WDPCP: variants seen among roughly 807,000 people sequenced by gnomAD.
WDPCP encodes WD repeat containing planar cell polarity effector, also known as WD repeat-containing and planar cell polarity effector protein fritz homolog.
WDPCP carries 71 observed loss-of-function variants against 93.1 expected under a neutral mutation model. The ratio of observed to expected loss-of-function variants is 0.76; its 90% confidence interval spans 0.63 to 0.93. The LOEUF is 0.93. Among genes scored for constraint, WDPCP ranks in the 40% least tolerant of loss-of-function variants. WDPCP has a pLI of 0.00. For synonymous variants in WDPCP, 315 were observed against 315.0 expected (o/e 1.00, Z 0.00); for missense variants, 844 against 887.4 (o/e 0.95, Z 0.62).
chr2:63,808,893 T>G (rs1417882627), intron 2 of WDPCP, among the ~76,000 whole-genome samples: 1 of 149,156 alleles, frequency 6.7e-6, no homozygotes, highest in African/African-American at 2.5e-5. Flanking sequence ...ATCTAGGAAA[T>G]GAGGAGCGCC....
chr2:63,138,069 A>ATTTTTTT (rs34667163), intron 17 of WDPCP, among the ~76,000 whole-genome samples: 2 of 117,098 alleles, frequency 1.7e-5, no homozygotes, highest in African/African-American at 6.6e-5. Flanking sequence ...GTTCCATATG[A>ATTTTTTT]TTTTTTTTTT....
At chr2:63,359,323 A>T (rs1690261497) in intron 12 of WDPCP, among the ~76,000 whole-genome samples, 1 of 152,224 alleles carries the variant, frequency 6.6e-6, no homozygotes, top group East Asian at 1.9e-4. Flanking sequence ...TTTTAGAAGC[A>T]TATGTTCAAA....
rs201275521 is a variant in WDPCP at position 63,223,287 on chromosome 2, G to C, written c.1915+36020C>G. Among the ~76,000 whole-genome samples, 3 of 152,228 alleles carry C rather than the reference G, an allele frequency of 2.0e-5. No homozygotes were observed. The East Asian group carries it at 5.8e-4, about 29-fold the overall frequency. On this transcript the variant is annotated intron_variant, in intron 14 of 17. Transcript: ENST00000272321. ...CTATTTGGATAATTTCTTATACACAGATGGCAATCAGCAAAGACCTAGATT... is the reference window on the plus strand; with the variant it reads ...CTATTTGGATAATTTCTTATACACACATGGCAATCAGCAAAGACCTAGATT...
chr2:63,782,834 C>T (rs1438026154), intron 2 of WDPCP, among the ~76,000 whole-genome samples: 2 of 151,704 alleles, frequency 1.3e-5, no homozygotes, highest in African/African-American at 4.8e-5. Context: ...CCATCACATT[C>T]CCTCAGGAAT....
chr2:63,569,705 G>A (rs950245795), intron 1 of WDPCP, among the ~76,000 whole-genome samples: 2 of 152,170 alleles, frequency 1.3e-5, no homozygotes, highest in African/African-American at 4.8e-5. Context: ...CTGACATGCA[G>A]AATCAAGTAG....
intron 3 of WDPCP, among the ~76,000 whole-genome samples, chr2:63,647,386 G>A (rs563915975): frequency 3.9e-5 from 6 of 152,006 alleles, no homozygotes; most frequent in South Asian, 2.1e-4. Flanking sequence ...CACCTGCCTC[G>A]GCCTCCCAAA....
intron 2 of WDPCP, among the ~76,000 whole-genome samples, chr2:63,807,060 C>T (rs942279659): frequency 6.6e-6 from 1 of 152,174 alleles, no homozygotes; most frequent in Non-Finnish European, 1.5e-5. Flanking sequence ...TCCATGAAAT[C>T]TGTACAATTT....
At chr2:63,156,525 C>G (rs984010399) in intron 15 of WDPCP, among the ~76,000 whole-genome samples, 2 of 151,956 alleles carry the variant, frequency 1.3e-5, no homozygotes, top group Non-Finnish European at 2.9e-5. Flanking sequence ...CGCCTGAGTT[C>G]AGGAGTTCGA....
At chr2:63,239,034 C>T (rs1039431250) in intron 14 of WDPCP, among the ~76,000 whole-genome samples, 2 of 152,084 alleles carry the variant, frequency 1.3e-5, no homozygotes, top group African/African-American at 2.4e-5. Context: ...CTCATGAGGC[C>T]GTAGAATACA....
chr2:63,470,577 C>T lies in WDPCP; in HGVS notation c.384+14027G>A, dbSNP rs904642016. 2.2e-4 allele frequency among the ~76,000 whole-genome samples: 33 copies of T among 152,282 alleles called. 1 individual carries two copies. Among genetic ancestry groups the T allele is most frequent in the Admixed American group, 1.7e-3 (26 of 15,282 alleles). ...TCATCCAGTCAAAGCCACCATCACACCTTACCCTGGACTACGGCAACAGCC... is the reference window on the plus strand; with the variant it reads ...TCATCCAGTCAAAGCCACCATCACATCTTACCCTGGACTACGGCAACAGCC... On this transcript the variant is annotated intron_variant, in intron 6 of 17. Transcript: ENST00000272321.
At chr2:63,609,530 G>C (rs1423505342) in intron 3 of WDPCP, among the ~76,000 whole-genome samples, 1 of 152,060 alleles carries the variant, frequency 6.6e-6, no homozygotes, top group African/African-American at 2.4e-5. Flanking sequence ...AAAAACAAAT[G>C]AATCAAACAT....
chr2:63,350,697 T>C (rs1338555240), intron 12 of WDPCP, among the ~76,000 whole-genome samples: 6 of 152,014 alleles, frequency 3.9e-5, no homozygotes, highest in Non-Finnish European at 8.8e-5. Flanking sequence ...TCCCACTCCA[T>C]TTTGGCTCTA....
intron 12 of WDPCP, among the ~76,000 whole-genome samples, chr2:63,338,421 G>A (rs766492099): frequency 1.3e-5 from 2 of 151,384 alleles, no homozygotes; most frequent in South Asian, 2.1e-4. Flanking sequence ...GCATGGTGAC[G>A]GGTGTGTGTA....
At chr2:63,586,438 G>A (rs1575707087) in intron 1 of WDPCP, among the ~76,000 whole-genome samples, 1 of 152,238 alleles carries the variant, frequency 6.6e-6, no homozygotes, top group East Asian at 1.9e-4. Flanking sequence ...CAAACCACCT[G>A]GAGATTCAAA....
At chr2:63,628,127 GC>G (rs1709829085) in intron 3 of WDPCP, among the ~76,000 whole-genome samples, 1 of 152,154 alleles carries the variant, frequency 6.6e-6, no homozygotes, top group Non-Finnish European at 1.5e-5. Context: ...GAAAGCTGAG[GC>G]AGCCTTGTCG....
rs185934076 is a variant in WDPCP, at chr2:63,490,014, T to A, written c.161-2520A>T. Reference sequence around the variant, plus strand: ...TTGAAATGCATAACCTGAATCTAATTGTGAGGAAATTTCAAATATAACCAA... The same window carrying A: ...TTGAAATGCATAACCTGAATCTAATAGTGAGGAAATTTCAAATATAACCAA... On this transcript the variant is annotated intron_variant, in intron 2 of 17. Coordinates refer to ENST00000272321, the MANE Select transcript of WDPCP (RefSeq NM_015910.7). Among the ~76,000 whole-genome samples, 159 of 151,868 alleles carry A rather than the reference T, an allele frequency of 1.0e-3. 1 individual carries two copies. Among genetic ancestry groups the A allele is most frequent in the Non-Finnish European group, 1.8e-3 (120 of 67,944 alleles).
At chr2:63,414,672 G>C (rs1469213244) in intron 9 of WDPCP, among the ~76,000 whole-genome samples, 2 of 152,162 alleles carry the variant, frequency 1.3e-5, no homozygotes, top group Non-Finnish European at 2.9e-5. Context: ...TGGGAGCTAA[G>C]TTATAAAGAT....
At chr2:63,361,168 C>A (rs1190318813) in intron 12 of WDPCP, among the ~76,000 whole-genome samples, 3 of 152,066 alleles carry the variant, frequency 2.0e-5, no homozygotes, top group African/African-American at 7.2e-5. Flanking sequence ...GATTAAAGTT[C>A]TTTAAAAGTA....
chr2:63,820,237 T>C (rs1291239639), intron 1 of WDPCP, among the ~76,000 whole-genome samples: 1 of 152,130 alleles, frequency 6.6e-6, no homozygotes, highest in Non-Finnish European at 1.5e-5. Context: ...ATAGTTTAGT[T>C]AGGAACATTT....
Sources: gnomAD v4.1 joint callset for allele counts (sites outside exome capture counted in the v4.1 genomes callset) on GRCh38, gnomAD v4.1.1 for gene constraint, MANE v1.5 for transcripts, NCBI Gene and HGNC (gene_info 2026-07-23, HGNC 2026-07-21) for gene names.